The following CCDC136 variants were observed in gnomAD, a reference collection of about 807,000 sequenced individuals.
The protein encoded by CCDC136 is coiled-coil domain-containing protein 136.
A neutral mutation model predicts 141.2 loss-of-function variants in CCDC136; 100 were observed. The observed-to-expected ratio is 0.71, with a 90% CI of 0.60 to 0.84. The LOEUF is 0.84. Ranked by LOEUF, CCDC136 falls within the 40% of genes least tolerant of loss-of-function variation. The probability of loss-of-function intolerance (pLI) is 0.00; values close to 1 mark genes in which losing one functional copy is unlikely to be tolerated. For synonymous variants in CCDC136, 474 were observed against 531.9 expected, an observed-to-expected ratio of 0.89 and a Z score of 1.50; for missense variants, 1,206 against 1,379.4, an observed-to-expected ratio of 0.87 and a Z score of 1.99.
At chr7:128,793,482 C>G (rs1250665491) in intron 1 of CCDC136, among the ~76,000 whole-genome samples, 3 of 152,142 alleles carry the variant, frequency 2.0e-5, no homozygotes, top group African/African-American at 7.2e-5. Context: ...AAAGGGCGCC[C>G]GAGTTTGTCC....
At chr7:128,820,380 G>A (rs1807275564) in intron 17 of CCDC136, among the ~76,000 whole-genome samples, 1 of 152,184 alleles carries the variant, frequency 6.6e-6, no homozygotes. Flanking sequence ...AGTTTAAAAG[G>A]AGAGTTTGAC....
chr7:128,804,736 C>A lies in CCDC136; in HGVS notation c.757C>A (p.Gln253Lys). The part of the protein sequence containing the change: ...LQESNSSLTG[Q>K]LADLESERTQ... ...GGAGAGCAACAGCAGCCTCACGGGG[C>A]AGCTTGCAGATCTGGAGAGTGAGAG... The change falls in exon 5 of 18, where the codon CAG becomes AAG. Residue 253 changes from glutamine to lysine, a missense_variant. Transcript: ENST00000297788. The A allele has an allele frequency of 8.8e-6, 14 of 1,599,020 alleles. No homozygotes were observed. The highest frequency in any genetic ancestry group is 2.7e-5 in the African/African-American group (2 of 74,810).
upstream of CCDC136, chr7:128,791,806 TCCAG>T (rs1802205330): frequency 2.6e-6 from 1 of 389,662 alleles, no homozygotes; most frequent in African/African-American, 2.1e-5. This position sits in a 1 kb window ranked among gnomAD's most constrained non-coding sequence, Gnocchi z 7.1. Context: ...CGACGGTGCT[TCCAG>T]CCTTCGGGAC....
chr7:128,820,753 CTG>C (rs1807335580), intron 17 of CCDC136, among the ~76,000 whole-genome samples: 1 of 152,186 alleles, frequency 6.6e-6, no homozygotes, highest in Non-Finnish European at 1.5e-5. Flanking sequence ...ATGAGTTACT[CTG>C]TATATCCACC....
chr7:128,818,229 G>A, intron 17 of CCDC136: 2 of 200,858 alleles, frequency 1.0e-5, no homozygotes, highest in South Asian at 1.8e-4. Context: ...CTTCTGATGA[G>A]CTGATATTTG....
In CCDC136 at chr7:128,821,706, T is replaced by C; in HGVS notation, c.*6-93T>C. 1.0e-6 allele frequency: 1 copy of C among 969,806 alleles called. No homozygotes were observed. The highest frequency in any genetic ancestry group is 1.4e-5 in the South Asian group (1 of 72,036). 60.1% of individuals were successfully genotyped at this position (969,806 alleles called of 1,614,324 possible). On this transcript the variant is annotated intron_variant, in intron 17 of 17. Transcript: ENST00000297788. The surrounding 1 kb of genome is among the most constrained non-coding windows in gnomAD (Gnocchi z 5.1). ...AACAGAGACTGATCCACAATGTTCC[T>C]GAGGTGTCTTGGGCACCCATAGGCA...
chr7:128,814,491 AT>A, intron 14 of CCDC136, 146 bp from the exon 15 acceptor site: 1 of 543,860 alleles, frequency 1.8e-6, no homozygotes, highest in African/African-American at 1.9e-5. Flanking sequence ...ACCGTTGAAT[AT>A]TTTCTTTATT....
In CCDC136 at chr7:128,808,819, G is replaced by A. The variant is rs1485478262; in HGVS notation, c.1606-631G>A. The A allele has an allele frequency of 8.1e-6, 8 of 985,458 alleles. No homozygotes were observed. The Admixed American group carries it at 1.8e-4, about 23-fold the overall frequency. 61.0% of individuals were successfully genotyped at this position (985,458 alleles called of 1,614,324 possible). On this transcript the variant is annotated intron_variant, in intron 10 of 17. Transcript: ENST00000297788. Reference sequence around the variant, plus strand: ...CCCTAATGGGAAAAATGATGGGAAAGGAGAAGCATGCTGGCAGACAGCACC... The same window carrying A: ...CCCTAATGGGAAAAATGATGGGAAAAGAGAAGCATGCTGGCAGACAGCACC...
Position 128,812,939 on chromosome 7 carries a change from G to A in CCDC136, c.2763+10G>A. 2 of 1,583,544 alleles carry A rather than the reference G, an allele frequency of 1.3e-6. No homozygotes were observed. Among genetic ancestry groups the A allele is most frequent in the Non-Finnish European group, 1.7e-6 (2 of 1,161,458 alleles). On this transcript the variant is annotated intron_variant, in intron 14 of 17. Transcript: ENST00000297788. ...GAACGACAAGAATGAGGTAACCACT[G>A]TCAGGGAGGCAGGGTTTCCTCTGGC...
Position 128,812,697 on chromosome 7 carries a change from A to AC in CCDC136, c.2542-5dup, listed in dbSNP as rs758412664. The AC allele has an allele frequency of 5.0e-6, 8 of 1,606,058 alleles. No individual in the cohort carries two copies. The highest frequency in any genetic ancestry group is 5.1e-6 in the Non-Finnish European group (6 of 1,176,530). On this transcript the variant is annotated splice_polypyrimidine_tract_variant and intron_variant, in intron 13 of 17. Coordinates refer to ENST00000297788, the MANE Select transcript of CCDC136 (RefSeq NM_022742.5). Reference sequence around the variant, plus strand: ...CTCAGGGTGCTATTGTTGCTCCCCCACCCCCCGCAGCGCTTTGAGGAAATG... The same window carrying AC: ...CTCAGGGTGCTATTGTTGCTCCCCCACCCCCCCGCAGCGCTTTGAGGAAATG...
intron 8 of CCDC136, 91 bp downstream of exon 8, chr7:128,806,486 A>C: frequency 7.6e-7 from 1 of 1,308,994 alleles, no homozygotes; most frequent in Non-Finnish European, 1.0e-6. Context: ...GTGAGTTAAA[A>C]ATAATTCCAG....
chr7:128,804,192 AAGGC>A (rs1804482787), intron 4 of CCDC136, among the ~76,000 whole-genome samples: 1 of 152,266 alleles, frequency 6.6e-6, no homozygotes, highest in Admixed American at 6.5e-5. Flanking sequence ...GAATGCCTGA[AAGGC>A]AGGTACTGGC....
Position 128,821,924 on chromosome 7 carries a change from C to T in CCDC136, c.*131C>T, listed in dbSNP as rs1222208897. On this transcript the variant is annotated 3_prime_UTR_variant, in exon 18 of 18. Transcript: ENST00000297788. This position sits in a 1 kb window ranked among gnomAD's most constrained non-coding sequence, Gnocchi z 5.1. ...TCATGGAGTGATGGCAGACCTTGGC[C>T]AGCGCGAGGGCAGATCCCCAGTGGC... The T allele has an allele frequency of 7.8e-7, 1 of 1,289,818 alleles. No homozygotes were observed. Among genetic ancestry groups the T allele is most frequent in the African/African-American group, 1.5e-5 (1 of 65,962 alleles). 79.9% of individuals were successfully genotyped at this position (1,289,818 alleles called of 1,614,324 possible).
At chr7:128,793,197 A>G (rs1049112990) in intron 1 of CCDC136, among the ~76,000 whole-genome samples, 1 of 152,256 alleles carries the variant, frequency 6.6e-6, no homozygotes, top group Non-Finnish European at 1.5e-5. Context: ...TTTGCTATTT[A>G]TAGGGACTGC....
Position 128,805,565 on chromosome 7 carries a change from C to T in CCDC136, c.948+41C>T, listed in dbSNP as rs886666030. The T allele has an allele frequency of 1.3e-6, 2 of 1,568,932 alleles. No individual in the cohort carries two copies. The highest frequency in any genetic ancestry group is 1.4e-5 in the African/African-American group (1 of 74,068). On this transcript the variant is annotated intron_variant, in intron 6 of 17. Transcript: ENST00000297788. The surrounding 1 kb of genome is among the most constrained non-coding windows in gnomAD (Gnocchi z 4.6). ...TGGGGAAGGCAGGCACATTTCTTGT[C>T]TTTCTTTCACCTTCTCCCAGCCTGT...
intron 12 of CCDC136, 48 bp from the exon 13 acceptor site, chr7:128,811,752 G>T: frequency 6.6e-7 from 1 of 1,511,356 alleles, no homozygotes; most frequent in South Asian, 1.3e-5. Context: ...CAGCTGGAAG[G>T]ACTGAAGTGT....
rs1804551298 is a variant in CCDC136, at chr7:128,804,645, T to G, written c.671-5T>G. On this transcript the variant is annotated splice_region_variant and splice_polypyrimidine_tract_variant and intron_variant, in intron 4 of 17. Transcript: ENST00000297788. ...GTCTCATCTCTCTCTGCCTGTCCTCTGCAGAAGAACTGCAGGAGCTGCGGG... is the reference window on the plus strand; with the variant it reads ...GTCTCATCTCTCTCTGCCTGTCCTCGGCAGAAGAACTGCAGGAGCTGCGGG... 7 of 1,544,778 alleles carry G rather than the reference T, an allele frequency of 4.5e-6. No individual in the cohort carries two copies. The highest frequency in any genetic ancestry group is 6.2e-6 in the Non-Finnish European group (7 of 1,137,738).
upstream of CCDC136, among the ~76,000 whole-genome samples, chr7:128,791,191 T>C (rs1802118532): frequency 1.3e-5 from 2 of 152,110 alleles, no homozygotes; most frequent in Non-Finnish European, 2.9e-5. This position sits in a 1 kb window ranked among gnomAD's most constrained non-coding sequence, Gnocchi z 7.1. Flanking sequence ...GGGGCAGCCA[T>C]AAGCCTAGGA....
At position 128,812,828 on chromosome 7, in the gene CCDC136, C is replaced by A; in HGVS notation, c.2662C>A (p.Gln888Lys). The change falls in exon 14 of 18, where the codon CAG becomes AAG. Residue 888 changes from glutamine (Q) to lysine (K), a missense_variant. Physicochemically the swap from Gln to Lys is moderately conservative, Grantham distance 53. Transcript: ENST00000297788. ...QEQMEKLLAK[Q>K]KDLKEELDAC... ...GCAGATGGAAAAGTTACTGGCCAAGCAGAAAGACCTGAAGGAAGAGCTGGA... is the reference window on the plus strand; with the variant it reads ...GCAGATGGAAAAGTTACTGGCCAAGAAGAAAGACCTGAAGGAAGAGCTGGA... The A allele has an allele frequency of 1.2e-6, 2 of 1,613,290 alleles. No homozygotes were observed. Among genetic ancestry groups the A allele is most frequent in the Non-Finnish European group, 1.7e-6 (2 of 1,179,764 alleles).
Sources: gnomAD v4.1 joint callset for allele counts (sites outside exome capture counted in the v4.1 genomes callset) on GRCh38, gnomAD v4.1.1 for gene constraint, Gnocchi (gnomAD v3.1) non-coding constraint, MANE v1.5 for transcripts, NCBI Gene and HGNC (gene_info 2026-07-23, HGNC 2026-07-21) for gene names.